The following ATM variants were observed in gnomAD, a reference collection of about 807,000 sequenced individuals.
ATM encodes the protein ATM serine/threonine kinase.
Under a neutral mutation model 387.0 loss-of-function variants are expected in ATM, and 308 were observed. That is an observed-to-expected ratio of 0.80 (90% CI 0.73 to 0.87). The LOEUF is 0.87. Among genes scored for constraint, ATM ranks in the 40% least tolerant of loss-of-function variants. ATM has a pLI of 0.00. For synonymous variants in ATM, 1,156 were observed against 1,187.3 expected, an observed-to-expected ratio of 0.97 and a Z score of 0.54; for missense variants, 3,312 against 3,560.9, an observed-to-expected ratio of 0.93 and a Z score of 1.78.
chr11:108,262,287 C>T (rs374964320), intron 16 of ATM, among the ~76,000 whole-genome samples: 6 of 152,104 alleles, frequency 3.9e-5, no homozygotes, highest in Non-Finnish European at 5.9e-5. Context: ...CGGATCTCTC[C>T]GCAGAAACTC....
At chr11:108,256,427 T>G in intron 14 of ATM, 87 bp downstream of exon 14, 2 of 1,404,104 alleles carry the variant, frequency 1.4e-6, no homozygotes, top group Non-Finnish European at 2.0e-6. Context: ...TGGAAGACAT[T>G]AAATTTTATG....
In ATM at chr11:108,301,797, A is replaced by G. The variant is rs375051697; in HGVS notation, c.5319+8A>G. On this transcript the variant is annotated splice_region_variant and intron_variant, in intron 35 of 62. Coordinates refer to ENST00000675843, the MANE Select transcript of ATM (RefSeq NM_000051.4). ...AGAACATCAAGAAAAAAGGTCTCTT[A>G]AGTAATAAATGTTTATTGAATACCC... The G allele has an allele frequency of 1.1e-5, 17 of 1,612,938 alleles. No homozygotes were observed. Among genetic ancestry groups the G allele is most frequent in the Non-Finnish European group, 1.4e-5 (16 of 1,179,376 alleles).
intron 13 of ATM, among the ~76,000 whole-genome samples, chr11:108,255,422 C>CTT (rs538304080): frequency 4.7e-5 from 4 of 85,430 alleles, no homozygotes; most frequent in Non-Finnish European, 9.3e-5. Flanking sequence ...ATTGTCTAAA[C>CTT]TTTTTTTTTT....
chr11:108,318,358 T>C (rs1202828616), intron 43 of ATM, among the ~76,000 whole-genome samples: 2 of 150,262 alleles, frequency 1.3e-5, no homozygotes, highest in Non-Finnish European at 2.9e-5. Context: ...CGAGACTCTG[T>C]CTCTAAAAAA....
Position 108,332,027 on chromosome 11 carries a change from A to G in ATM, c.7778A>G (p.Gln2593Arg), listed in dbSNP as rs587779867. 4.4e-5 allele frequency: 71 copies of G among 1,613,732 alleles called. No individual in the cohort carries two copies. The highest frequency in any genetic ancestry group is 5.0e-5 in the Admixed American group (3 of 59,994). The change falls in exon 52 of 63, where the codon CAG becomes CGG. Residue 2593 changes from glutamine (Q) to arginine (R), a missense_variant. Gln to Arg is a conservative substitution (Grantham distance 43). Transcript: ENST00000675843. The part of the protein sequence containing the change: ...ITKNVPKQSS[Q>R]LDEDRTEAAN... ...AAAAATGTGCCTAAACAAAGCTCTC[A>G]GCTTGATGAGGTATTTGGATTAAAC...
At chr11:108,348,761 T>C (rs1169716205) in intron 59 of ATM, among the ~76,000 whole-genome samples, 2 of 152,176 alleles carry the variant, frequency 1.3e-5, no homozygotes, top group East Asian at 3.8e-4. Context: ...AGAGAAAATA[T>C]GCCATATTCA....
At chr11:108,279,855 G>C (rs1048388753) in intron 23 of ATM, among the ~76,000 whole-genome samples, 2 of 152,124 alleles carry the variant, frequency 1.3e-5, no homozygotes, top group African/African-American at 4.8e-5. Flanking sequence ...GTTTTTATGG[G>C]AGTATAAATG....
intron 21 of ATM, 46 bp from the exon 22 acceptor site, chr11:108,272,676 G>A (rs2135568468): frequency 1.2e-6 from 2 of 1,613,200 alleles, no homozygotes; most frequent in Non-Finnish European, 1.7e-6. Flanking sequence ...TTGTTAATGA[G>A]TAATTTTTCT....
chr11:108,268,674 T>TAAGATGTTGC (rs2081403631), intron 18 of ATM, 65 bp downstream of exon 18: 8 of 1,506,530 alleles, frequency 5.3e-6, no homozygotes, highest in Non-Finnish European at 7.4e-6. Flanking sequence ...ATGTAATGAG[T>TAAGATGTTGC]TGACATGTAA....
In ATM at chr11:108,341,945, G is replaced by T. The variant is rs73545024; in HGVS notation, c.8269-1277G>T. Among the ~76,000 whole-genome samples the T allele has an allele frequency of 9.0e-3, 1,366 of 152,254 alleles. 19 individuals carry two copies. The highest frequency in any genetic ancestry group is 0.031 in the African/African-American group (1,289 of 41,542). On this transcript the variant is annotated intron_variant, in intron 56 of 62. Transcript: ENST00000675843. ...TTAACCGAGGTGAAGATGTATCTCT[G>T]GCTCAGCTGTTAAATTCCTGGGTAT...
At position 108,301,602 on chromosome 11, in the gene ATM, A is replaced by T. The variant is rs535040668; in HGVS notation, c.5178-46A>T. On this transcript the variant is annotated intron_variant, in intron 34 of 62. Transcript: ENST00000675843. ...TCAGTGGAGGTTAACATTCATCAAG[A>T]TTAATAACTGGTGTACTTGATAGGC... 2.0e-5 allele frequency: 33 copies of T among 1,611,284 alleles called. 1 individual carries two copies. The South Asian group carries it at 3.5e-4, about 17-fold the overall frequency.
intron 22 of ATM, among the ~76,000 whole-genome samples, chr11:108,277,850 A>G (rs969557716): frequency 9.2e-5 from 14 of 151,840 alleles, no homozygotes; most frequent in Non-Finnish European, 2.1e-4. Context: ...CCCTTGTTTT[A>G]TTTTTCTCTA....
intron 61 of ATM, among the ~76,000 whole-genome samples, chr11:108,360,603 C>T (rs1202335968): frequency 2.0e-5 from 3 of 149,482 alleles, no homozygotes. Flanking sequence ...CCACCATGAT[C>T]CAGTGGGCTT....
At position 108,345,882 on chromosome 11, in the gene ATM, C is replaced by A. The variant is rs141534716; in HGVS notation, c.8558C>A (p.Thr2853Lys). The A allele has an allele frequency of 1.9e-6, 3 of 1,613,680 alleles. No homozygotes were observed. The highest frequency in any genetic ancestry group is 1.1e-5 in the South Asian group (1 of 91,062). The part of the protein sequence containing the change: ...AIWFEKRLAY[T>K]RSVATSSIVG... ...TGGTTTGAGAAGCGATTGGCTTATA[C>A]GCGCAGTGTAGCTACTTCTTCTATT... Residue 2853 changes from threonine to lysine, a missense_variant, in exon 58 of 63, where the codon ACG becomes AAG. This residue lies in a region of ATM where 1,405 missense variants were observed against 1,604.4 expected (regional missense o/e 0.88). Coordinates refer to ENST00000675843, the MANE Select transcript of ATM (RefSeq NM_000051.4).
At chr11:108,300,857 C>T (rs1266772655) in intron 34 of ATM, among the ~76,000 whole-genome samples, 2 of 146,284 alleles carry the variant, frequency 1.4e-5, no homozygotes, top group Non-Finnish European at 3.0e-5. Flanking sequence ...CTTGTGTTAA[C>T]ATGTATTAAT....
chr11:108,256,167 TA>T, intron 13 of ATM, 47 bp from the exon 14 acceptor site: 1 of 1,449,410 alleles, frequency 6.9e-7, no homozygotes. Context: ...TAGAGTATAC[TA>T]AATTATTTAT....
At chr11:108,310,087 C>T (rs2084012584) in intron 38 of ATM, 73 bp from the exon 39 acceptor site, 2 of 1,501,434 alleles carry the variant, frequency 1.3e-6, no homozygotes, top group Admixed American at 1.8e-5. Context: ...CCATTGTATT[C>T]TATATCAACA....
At chr11:108,356,737 A>C (rs2089974099) in intron 61 of ATM, among the ~76,000 whole-genome samples, 1 of 152,080 alleles carries the variant, frequency 6.6e-6, no homozygotes, top group Admixed American at 6.5e-5. Context: ...GGCCTCAGAA[A>C]TCTTACTAGT....
rs375136432 is a variant in ATM, at chr11:108,365,553, T to C, written c.*45T>C. Reference sequence around the variant, plus strand: ...CCTTTCATTCAGCCTTTAGAAATTATATTTTAGCCTTTATTTTTAACCTGC... The same window carrying C: ...CCTTTCATTCAGCCTTTAGAAATTACATTTTAGCCTTTATTTTTAACCTGC... On this transcript the variant is annotated 3_prime_UTR_variant, in exon 63 of 63. Coordinates refer to ENST00000675843, the MANE Select transcript of ATM (RefSeq NM_000051.4). 2 of 1,586,598 alleles carry C rather than the reference T, an allele frequency of 1.3e-6. No individual in the cohort carries two copies. The highest frequency in any genetic ancestry group is 8.6e-7 in the Non-Finnish European group (1 of 1,162,930).
Sources: gnomAD v4.1 joint callset for allele counts (sites outside exome capture counted in the v4.1 genomes callset) on GRCh38, gnomAD v4.1.1 for gene constraint, gnomAD v4.1.1 regional missense constraint, MANE v1.5 for transcripts, NCBI Gene and HGNC (gene_info 2026-07-23, HGNC 2026-07-21) for gene names.